The following CADPS2 variants were observed in gnomAD, a reference collection of about 807,000 sequenced individuals.
CADPS2 encodes calcium-dependent secretion activator 2.
Under a neutral mutation model 172.5 loss-of-function variants are expected in CADPS2, and 93 were observed. The observed-to-expected ratio is 0.54, with a 90% CI of 0.46 to 0.64. The LOEUF (loss-of-function observed/expected upper bound fraction) is 0.64, where lower values mean the gene tolerates loss of function less well. Among genes scored for constraint, CADPS2 ranks in the 30% least tolerant of loss-of-function variants. The probability of loss-of-function intolerance (pLI) is 0.00; values close to 1 mark genes in which losing one functional copy is unlikely to be tolerated. For missense variants in CADPS2, 1,420 were observed against 1,565.9 expected, an observed-to-expected ratio of 0.91 and a Z score of 1.57; for synonymous variants, 546 against 555.2, an observed-to-expected ratio of 0.98 and a Z score of 0.23.
chr7:122,703,055 C>T (rs1238104559), intron 2 of CADPS2: 2 of 267,434 alleles, frequency 7.5e-6, no homozygotes, highest in South Asian at 8.2e-5. Flanking sequence ...TATATTAGTG[C>T]ATTGCATCCT....
intron 17 of CADPS2, among the ~76,000 whole-genome samples, chr7:122,417,022 G>A (rs2048005761): frequency 6.6e-6 from 1 of 152,184 alleles, no homozygotes; most frequent in Non-Finnish European, 1.5e-5. Context: ...GCTCAGCAAG[G>A]AGGTTGTGAG....
intron 2 of CADPS2, among the ~76,000 whole-genome samples, chr7:122,732,413 A>G (rs2091736181): frequency 6.6e-6 from 1 of 151,252 alleles, no homozygotes; most frequent in Non-Finnish European, 1.5e-5. Context: ...ATTCATAAAA[A>G]TCATTCAAGA....
chr7:122,610,552 G>A (rs1162118538), intron 6 of CADPS2, among the ~76,000 whole-genome samples: 1 of 152,026 alleles, frequency 6.6e-6, no homozygotes, highest in Non-Finnish European at 1.5e-5. Context: ...AACTGAGAGT[G>A]GGAGCAGGAA....
At chr7:122,861,218 C>A (rs1164348099) in intron 1 of CADPS2, among the ~76,000 whole-genome samples, 2 of 152,158 alleles carry the variant, frequency 1.3e-5, no homozygotes, top group Non-Finnish European at 2.9e-5. Flanking sequence ...ACATTCCCAC[C>A]AGCAGTGTTT....
chr7:122,757,431 A>G (rs574951337), intron 1 of CADPS2, among the ~76,000 whole-genome samples: 1 of 152,234 alleles, frequency 6.6e-6, no homozygotes, highest in South Asian at 2.1e-4. Context: ...TACAGGCACG[A>G]GCCACTGTGA....
intron 1 of CADPS2, among the ~76,000 whole-genome samples, chr7:122,817,001 AC>A (rs888835416): frequency 6.7e-6 from 1 of 149,054 alleles, no homozygotes; most frequent in African/African-American, 2.5e-5. Flanking sequence ...CCGCCAGAGA[AC>A]CCCCCTTTGA....
intron 1 of CADPS2, among the ~76,000 whole-genome samples, chr7:122,744,426 A>G (rs1246913746): frequency 6.6e-6 from 1 of 152,206 alleles, no homozygotes; most frequent in African/African-American, 2.4e-5. Flanking sequence ...GAGGGAAAAT[A>G]CCATGGTACT....
chr7:122,381,375 A>G (rs1200682468), intron 24 of CADPS2, among the ~76,000 whole-genome samples: 1 of 152,142 alleles, frequency 6.6e-6, no homozygotes, highest in African/African-American at 2.4e-5. Context: ...TCTTACATGG[A>G]AAGTGCTCCA....
chr7:122,873,059 G>T (rs1010987035), intron 1 of CADPS2, among the ~76,000 whole-genome samples: 5 of 152,016 alleles, frequency 3.3e-5, no homozygotes, highest in Non-Finnish European at 5.9e-5. Context: ...TTAAACACAG[G>T]GAGCCAAATG....
intron 2 of CADPS2, among the ~76,000 whole-genome samples, chr7:122,711,790 T>C (rs1384950157): frequency 1.3e-5 from 2 of 152,014 alleles, no homozygotes; most frequent in Non-Finnish European, 2.9e-5. Context: ...ATAGCTGGGA[T>C]TACAGGCACG....
intron 20 of CADPS2, among the ~76,000 whole-genome samples, chr7:122,398,433 A>G (rs1393068097): frequency 6.6e-6 from 1 of 152,130 alleles, no homozygotes; most frequent in African/African-American, 2.4e-5. Context: ...TTTCTCCTCA[A>G]ACTTCTCATT....
intron 2 of CADPS2, among the ~76,000 whole-genome samples, chr7:122,667,418 A>T (rs1380385144): frequency 6.6e-6 from 1 of 152,188 alleles, no homozygotes; most frequent in Non-Finnish European, 1.5e-5. Context: ...GGACACCAAG[A>T]AACTTACATT....
chr7:122,754,634 G>A (rs1023036738), intron 1 of CADPS2, among the ~76,000 whole-genome samples: 4 of 151,896 alleles, frequency 2.6e-5, no homozygotes, highest in Admixed American at 1.3e-4. Flanking sequence ...CCACCATCAC[G>A]CCCGGCGAAT....
At chr7:122,494,406 A>G (rs1315980888) in intron 9 of CADPS2, among the ~76,000 whole-genome samples, 1 of 152,198 alleles carries the variant, frequency 6.6e-6, no homozygotes, top group Non-Finnish European at 1.5e-5. Context: ...GCATGACTAT[A>G]TAGGATAATA....
chr7:122,442,853 C>G (rs777924874), intron 15 of CADPS2, among the ~76,000 whole-genome samples: 7 of 152,024 alleles, frequency 4.6e-5, no homozygotes, highest in Admixed American at 1.3e-4. Flanking sequence ...CTTAATCTTG[C>G]TGCTACATAC....
intron 1 of CADPS2, among the ~76,000 whole-genome samples, chr7:122,785,559 C>T (rs957373546): frequency 3.3e-5 from 5 of 152,240 alleles, no homozygotes; most frequent in African/African-American, 1.2e-4. Context: ...TGTGTAAAAA[C>T]GAGAAGCTAT....
Position 122,593,167 on chromosome 7 carries a change from A to G in CADPS2, c.1224-11877T>C, listed in dbSNP as rs1587676071. Among the ~76,000 whole-genome samples, 5 of 152,110 alleles carry G rather than the reference A, an allele frequency of 3.3e-5. No homozygotes were observed. In the South Asian group the frequency reaches 8.3e-4, roughly 25 times the overall value. The stretch of plus-strand genomic sequence containing the variant: ...CCCACAAATCACACTGTCATTTAAG[A>G]CATCAAACTATACTACTCTATATTT... On this transcript the variant is annotated intron_variant, in intron 6 of 29. Coordinates refer to ENST00000449022, the MANE Select transcript of CADPS2 (RefSeq NM_017954.11).
At chr7:122,466,438 G>C (rs905714072) in intron 14 of CADPS2, among the ~76,000 whole-genome samples, 3 of 152,144 alleles carry the variant, frequency 2.0e-5, no homozygotes, top group Admixed American at 6.5e-5. Flanking sequence ...CAGCAACATG[G>C]GGGTGGTAGG....
intron 3 of CADPS2, among the ~76,000 whole-genome samples, chr7:122,653,584 G>A (rs1038298647): frequency 3.9e-5 from 6 of 152,002 alleles, no homozygotes; most frequent in Admixed American, 1.3e-4. Context: ...TCTCTTTATT[G>A]CACTTTGCAG....
Sources: allele counts gnomAD v4.1 joint callset (sites outside exome capture counted in the v4.1 genomes callset), GRCh38; gene constraint gnomAD v4.1.1; transcripts MANE v1.5; gene names NCBI Gene and HGNC (gene_info 2026-07-23, HGNC 2026-07-21).